The following ZNF800 variants were observed in gnomAD, a reference collection of about 807,000 sequenced individuals.
The protein encoded by ZNF800 is zinc finger protein 800.
In ZNF800, 13 loss-of-function variants were observed where a neutral mutation model predicts 59.5. The ratio of observed to expected loss-of-function variants is 0.22; its 90% CI spans 0.14 to 0.35. The LOEUF (loss-of-function observed/expected upper bound fraction) is 0.35, where lower values mean the gene tolerates loss of function less well. Among genes scored for constraint, ZNF800 ranks in the 10% least tolerant of loss-of-function variants. ZNF800 has a pLI of 1.00. For synonymous variants in ZNF800, 266 were observed against 265.7 expected (o/e 1.00, Z -0.01); for missense variants, 621 against 783.7 (o/e 0.79, Z 2.48).
chr7:127,384,378 C>T (rs1321384951), intron 3 of ZNF800, among the ~76,000 whole-genome samples: 3 of 151,378 alleles, frequency 2.0e-5, no homozygotes, highest in East Asian at 2.0e-4. Flanking sequence ...AGACTACAGG[C>T]GCCCGCCGCC....
At chr7:127,372,579 A>T in intron 5 of ZNF800, 1 of 959,740 alleles carries the variant, frequency 1.0e-6, no homozygotes, top group Non-Finnish European at 1.2e-6. Flanking sequence ...CTAGTTAATA[A>T]TATTAACTAT....
chr7:127,379,267 G>A lies in ZNF800; in HGVS notation c.158-1938C>T, dbSNP rs541402675. 6.6e-4 allele frequency among the ~76,000 whole-genome samples: 101 copies of A among 152,280 alleles called. No individual in the cohort carries two copies. In the South Asian group the frequency reaches 0.012, roughly 19 times the overall value. On this transcript the variant is annotated intron_variant, in intron 3 of 5. Transcript: ENST00000265827. ...ATAAGTGAGTGACAAACTATGAGAG[G>A]TAGACTGATTTTAAAAAATGCTTTG...
intron 1 of ZNF800, among the ~76,000 whole-genome samples, chr7:127,358,783 A>G (rs951203751): frequency 6.6e-6 from 1 of 152,092 alleles, no homozygotes; most frequent in African/African-American, 2.4e-5. Context: ...GAGGAACTGC[A>G]TTGCTTGTCT....
intron 3 of ZNF800, among the ~76,000 whole-genome samples, chr7:127,384,879 C>CA (rs983645971): frequency 1.4e-4 from 21 of 152,024 alleles, no homozygotes; most frequent in African/African-American, 4.3e-4. Context: ...AATCAAACAA[C>CA]AAAAAATCCC....
chr7:127,369,736 A>G (rs1472617497), downstream of ZNF800, among the ~76,000 whole-genome samples: 2 of 152,014 alleles, frequency 1.3e-5, no homozygotes, highest in Non-Finnish European at 2.9e-5. Flanking sequence ...CTAGATTCCT[A>G]TTCTGTGGCC....
At chr7:127,391,984 G>T in intron 1 of ZNF800, 76 bp downstream of exon 1, 1 of 382,524 alleles carries the variant, frequency 2.6e-6, no homozygotes, top group Non-Finnish European at 4.6e-6. Context: ...CCCACGCCGC[G>T]CCCTCCCGCT....
In ZNF800 at chr7:127,392,352, T is replaced by C; in HGVS notation, c.-351A>G. On this transcript the variant is annotated 5_prime_UTR_variant, in exon 1 of 6. Transcript: ENST00000265827. The stretch of plus-strand genomic sequence containing the variant: ...CGGGAGGCGCGCGGGCGGAGGCAGT[T>C]GACAGGAGGAACCGCCCGGCAGCAG... The C allele has an allele frequency of 2.6e-6, 1 of 382,868 alleles. No individual in the cohort carries two copies. Among genetic ancestry groups the C allele is most frequent in the East Asian group, 3.7e-5 (1 of 26,756 alleles). The allele number at this position is 382,868 out of a possible 1,614,324, so 23.7% of individuals were successfully genotyped here.
At chr7:127,364,837 T>C (rs1800472045) in intron 1 of ZNF800, 1 of 152,118 alleles carries the variant, frequency 6.6e-6, no homozygotes, top group South Asian at 2.1e-4. Context: ...TTTGTCATGA[T>C]ATAAGCAAGA....
Position 127,392,377 on chromosome 7 carries a change from G to C in ZNF800, c.-376C>G, listed in dbSNP as rs539950830. 2 of 381,142 alleles carry C rather than the reference G, an allele frequency of 5.2e-6. No homozygotes were observed. The highest frequency in any genetic ancestry group is 9.0e-5 in the Admixed American group (2 of 22,110). 23.6% of individuals were successfully genotyped at this position (381,142 alleles called of 1,614,324 possible). On this transcript the variant is annotated 5_prime_UTR_variant, in exon 1 of 6. Transcript: ENST00000265827. The stretch of plus-strand genomic sequence containing the variant: ...TGACAGGAGGAACCGCCCGGCAGCA[G>C]CTGCCGCCGCCACCACCGAAGGAGC...
At chr7:127,354,201 A>G (rs1019157623) in intron 1 of ZNF800, among the ~76,000 whole-genome samples, 1 of 152,168 alleles carries the variant, frequency 6.6e-6, no homozygotes, top group Non-Finnish European at 1.5e-5. Context: ...GTAACCAGCA[A>G]TAACAGCTAT....
rs541878183 is a variant in ZNF800, at chr7:127,383,136, ACAT to A, written c.157+2921_157+2923del. Among the ~76,000 whole-genome samples the A allele has an allele frequency of 7.6e-4, 116 of 152,354 alleles. 1 individual carries two copies. The highest frequency in any genetic ancestry group is 5.8e-3 in the South Asian group (28 of 4,832). On this transcript the variant is annotated intron_variant, in intron 3 of 5. Transcript: ENST00000265827. The stretch of plus-strand genomic sequence containing the variant: ...ACTGGTCAAGCAGTCAGTATAGCAC[ACAT>A]CAAGTGGTGGACATTAAAAATGAGT...
intron 1 of ZNF800, among the ~76,000 whole-genome samples, chr7:127,348,426 A>C (rs1481997447): frequency 9.4e-6 from 1 of 106,234 alleles, no homozygotes; most frequent in Non-Finnish European, 1.8e-5. Context: ...GCCAGAAAAA[A>C]ATGGCAAAAA....
In ZNF800 at chr7:127,372,524, T is replaced by C. The variant is rs371196888; in HGVS notation, c.*-710A>G. ...GTAGTATTTTTCTTTCTTCCAAATA[T>C]GAATTTTACTTTTCTTACGACACAC... On this transcript the variant is annotated intron_variant, in intron 5 of 5. Transcript: ENST00000265827. The C allele has an allele frequency of 1.5e-5, 12 of 781,530 alleles. No individual in the cohort carries two copies. The Admixed American group carries it at 3.2e-4, about 21-fold the overall frequency. The allele number at this position is 781,530 out of a possible 1,614,324, so 48.4% of individuals were successfully genotyped here. A position where few individuals can be genotyped will look rare whatever the true frequency, so the allele number is the denominator to read the frequency against.
In ZNF800 at chr7:127,373,979, G is replaced by A; in HGVS notation, c.1357C>T (p.Gln453Ter). The A allele has an allele frequency of 6.2e-7, 1 of 1,613,782 alleles. No homozygotes were observed. The part of the protein sequence containing the change: ...TPAAQKNKVK[Q>*]DSESPKSTSP... ...GTTGATTTAGGGCTTTCAGAGTCTT[G>A]TTTAACTTTATTTTTCTGTGCTGCC... is the stretch of plus-strand genomic sequence containing the variant. The change falls in exon 5 of 6, where the codon CAA (glutamine) becomes TAA (stop). Residue 453 changes from glutamine (Q) to a stop codon, truncating the protein, a stop_gained. Transcript: ENST00000265827. LOFTEE classifies it high-confidence loss of function.
At chr7:127,384,564 T>C (rs898327682) in intron 3 of ZNF800, among the ~76,000 whole-genome samples, 2 of 151,984 alleles carry the variant, frequency 1.3e-5, no homozygotes, top group South Asian at 2.1e-4. Context: ...AAAAATGCTA[T>C]AGTAAACTGA....
rs148098826 is a variant in ZNF800 at position 127,353,952 on chromosome 7, A to C, written n.225-5909T>G. Among the ~76,000 whole-genome samples, 125 of 152,280 alleles carry C rather than the reference A, an allele frequency of 8.2e-4. 1 individual carries two copies. Among genetic ancestry groups the C allele is most frequent in the African/African-American group, 2.8e-3 (115 of 41,572 alleles). On this transcript the variant is annotated intron_variant and non_coding_transcript_variant, in intron 1 of 1. Coordinates refer to the ZNF800 transcript ENST00000485577. ...ATAGTTACAAGCTGTTTTGAGAAACAAATGAAAGACTATTTCTGTGATATG... is the reference window on the plus strand; with the variant it reads ...ATAGTTACAAGCTGTTTTGAGAAACCAATGAAAGACTATTTCTGTGATATG...
At chr7:127,361,020 A>G (rs543896601) in intron 1 of ZNF800, 1 of 152,230 alleles carries the variant, frequency 6.6e-6, no homozygotes, top group East Asian at 1.9e-4. Flanking sequence ...AGCACTCAGG[A>G]CACAAGGACG....
At chr7:127,382,858 T>C (rs768060758) in intron 3 of ZNF800, among the ~76,000 whole-genome samples, 24 of 152,212 alleles carry the variant, frequency 1.6e-4, no homozygotes, top group Non-Finnish European at 2.9e-4. Flanking sequence ...TGTAGCAGCG[T>C]TGCCTGAGCA....
intron 1 of ZNF800, chr7:127,364,571 T>C (rs1331713208): frequency 1.3e-5 from 2 of 152,070 alleles, no homozygotes; most frequent in Non-Finnish European, 2.9e-5. Context: ...CAAGGTAGTA[T>C]AGAAGAGAAG....
Sources: allele counts gnomAD v4.1 joint callset (sites outside exome capture counted in the v4.1 genomes callset), GRCh38; gene constraint gnomAD v4.1.1; transcripts MANE v1.5; gene names NCBI Gene and HGNC (gene_info 2026-07-23, HGNC 2026-07-21).